DESI2: variants seen among roughly 807,000 people sequenced by gnomAD.
The protein encoded by DESI2 is deubiquitinase DESI2.
DESI2 carries 10 observed loss-of-function variants against 24.1 expected under a neutral mutation model. That is an observed-to-expected ratio of 0.41 (90% confidence interval 0.26 to 0.70). DESI2 has a LOEUF of 0.70. Among genes scored for constraint, DESI2 ranks in the 30% least tolerant of loss-of-function variants. The probability of loss-of-function intolerance (pLI) is 0.29; values close to 1 mark genes in which losing one functional copy is unlikely to be tolerated. For missense variants in DESI2, 122 were observed against 234.9 expected (o/e 0.52, Z 3.14); for synonymous variants, 71 against 87.7 (o/e 0.81, Z 1.06).
chr1:244,659,782 C>T (rs1402259401), intron 1 of DESI2, among the ~76,000 whole-genome samples: 1 of 152,182 alleles, frequency 6.6e-6, no homozygotes, highest in Admixed American at 6.5e-5. Context: ...GTTCTGGGAA[C>T]ATTCTGGGGA....
In DESI2 at chr1:244,653,162, C is replaced by A; in HGVS notation, c.-152C>A. ...TCGGCGGCGCCCGGGAGCGGCTCGGCTGCCCGATGCTTCCGCCCCGGCTGC... is the reference window on the plus strand; with the variant it reads ...TCGGCGGCGCCCGGGAGCGGCTCGGATGCCCGATGCTTCCGCCCCGGCTGC... On this transcript the variant is annotated 5_prime_UTR_variant, in exon 1 of 5. In the 5' UTR this introduces an upstream ATG that the reference lacks. Transcript: ENST00000302550. 1.4e-6 allele frequency: 1 copy of A among 726,012 alleles called. No homozygotes were observed. 45.0% of individuals were successfully genotyped at this position (726,012 alleles called of 1,614,324 possible). A position where few individuals can be genotyped will look rare whatever the true frequency, so the allele number is the denominator to read the frequency against.
At chr1:244,665,166 ATT>A (rs754865183) in intron 1 of DESI2, among the ~76,000 whole-genome samples, 3 of 147,076 alleles carry the variant, frequency 2.0e-5, no homozygotes, top group East Asian at 4.0e-4. Context: ...TTAATACCTG[ATT>A]TTTTTTTTTT....
chr1:244,664,597 C>T (rs61842420), intron 1 of DESI2, among the ~76,000 whole-genome samples: 5,668 of 152,328 alleles, frequency 0.037, 160 homozygotes, highest in Middle Eastern at 0.082. Flanking sequence ...ACTTAAGGGA[C>T]TGAGATGGGA....
At chr1:244,657,565 A>G (rs1398304173) in intron 1 of DESI2, among the ~76,000 whole-genome samples, 1 of 152,230 alleles carries the variant, frequency 6.6e-6, no homozygotes, top group Non-Finnish European at 1.5e-5. Context: ...TGAAAGCAAC[A>G]GAGAGCTTGA....
chr1:244,663,317 C>T (rs1421966490), intron 1 of DESI2, among the ~76,000 whole-genome samples: 3 of 151,972 alleles, frequency 2.0e-5, no homozygotes, highest in Non-Finnish European at 2.9e-5. Context: ...GCTGGGACTA[C>T]AGGCGCCTGC....
chr1:244,673,825 G>A (rs569062379), intron 1 of DESI2, among the ~76,000 whole-genome samples: 56 of 152,142 alleles, frequency 3.7e-4, no homozygotes, highest in African/African-American at 1.2e-3. Flanking sequence ...TTATAATGCC[G>A]AATTATTCTT....
intron 1 of DESI2, among the ~76,000 whole-genome samples, chr1:244,657,500 C>T (rs1675690391): frequency 6.6e-6 from 1 of 152,222 alleles, no homozygotes; most frequent in African/African-American, 2.4e-5. Flanking sequence ...ATTATAAACC[C>T]TTCACAGTCA....
intron 4 of DESI2, among the ~76,000 whole-genome samples, chr1:244,693,890 A>G (rs2148811876): frequency 6.6e-6 from 1 of 152,370 alleles, no homozygotes; most frequent in Non-Finnish European, 1.5e-5. Context: ...TGGAAATACC[A>G]GCTCTTGCCG....
At chr1:244,658,580 G>T (rs936668771) in intron 1 of DESI2, among the ~76,000 whole-genome samples, 2 of 152,202 alleles carry the variant, frequency 1.3e-5, no homozygotes, top group Non-Finnish European at 2.9e-5. Context: ...CCAGTGTCTA[G>T]AACAGGGCCT....
chr1:244,654,642 A>G (rs1301618064), intron 1 of DESI2, among the ~76,000 whole-genome samples: 5 of 152,234 alleles, frequency 3.3e-5, no homozygotes, highest in Non-Finnish European at 5.9e-5. Flanking sequence ...AGAATAAGCC[A>G]AACAAAAGAT....
At chr1:244,696,890 G>A (rs190597754) in intron 4 of DESI2, among the ~76,000 whole-genome samples, 30 of 152,170 alleles carry the variant, frequency 2.0e-4, no homozygotes, top group Admixed American at 1.2e-3. Context: ...GGCAGAGGAC[G>A]CCTGCATGAC....
chr1:244,702,596 T>C (rs1006870127), intron 4 of DESI2, among the ~76,000 whole-genome samples: 1 of 152,244 alleles, frequency 6.6e-6, no homozygotes, highest in African/African-American at 2.4e-5. Context: ...ATAAATATTT[T>C]AGGCTTGTGG....
chr1:244,661,635 C>A (rs2148782728), intron 1 of DESI2, among the ~76,000 whole-genome samples: 1 of 152,008 alleles, frequency 6.6e-6, no homozygotes, highest in East Asian at 1.9e-4. Context: ...GTTCAATTCC[C>A]ACCTATGAGT....
chr1:244,680,430 A>G (rs1214519033), intron 1 of DESI2, among the ~76,000 whole-genome samples: 1 of 142,134 alleles, frequency 7.0e-6, no homozygotes, highest in East Asian at 2.0e-4. Context: ...ACCCTGTCTC[A>G]AAAAAAAAAA....
At chr1:244,682,158 G>A (rs555236740) in intron 1 of DESI2, among the ~76,000 whole-genome samples, 11 of 152,336 alleles carry the variant, frequency 7.2e-5, no homozygotes, top group East Asian at 3.9e-4. Context: ...CTTCCACAGC[G>A]TGGAAGGGGA....
intron 2 of DESI2, among the ~76,000 whole-genome samples, chr1:244,687,941 A>G (rs971840788): frequency 7.2e-5 from 11 of 152,198 alleles, no homozygotes; most frequent in African/African-American, 2.7e-4. Flanking sequence ...TGGGTTAGGT[A>G]AGGGCAGGTG....
chr1:244,683,871 AT>A lies in DESI2; in HGVS notation c.43-2711del, dbSNP rs35465768. Reference sequence around the variant, plus strand: ...AGCTAGGACCACGGGTACCTGGCTAATTTTTTTTTTTTTTTAAGAGATTGGG... The same window carrying A: ...AGCTAGGACCACGGGTACCTGGCTAATTTTTTTTTTTTTTAAGAGATTGGG... On this transcript the variant is annotated intron_variant, in intron 1 of 4. Coordinates refer to ENST00000302550, the MANE Select transcript of DESI2 (RefSeq NM_016076.5). Among the ~76,000 whole-genome samples, 964 of 141,540 alleles carry A rather than the reference AT, an allele frequency of 6.8e-3. 7 individuals are homozygous for A. The highest frequency in any genetic ancestry group is 0.016 in the African/African-American group (623 of 38,486). The allele number at this position is 141,540 out of a possible 152,430, so 92.9% of individuals were successfully genotyped here.
At chr1:244,701,154 C>A (rs970424243) in intron 4 of DESI2, among the ~76,000 whole-genome samples, 2 of 136,308 alleles carry the variant, frequency 1.5e-5, no homozygotes, top group East Asian at 2.4e-4. Flanking sequence ...TTAGGAGCTT[C>A]ACTATTAGGA....
At chr1:244,686,532 C>A in intron 1 of DESI2, 65 bp from the exon 2 acceptor site, 1 of 1,007,924 alleles carries the variant, frequency 9.9e-7, no homozygotes, top group South Asian at 1.3e-5. Flanking sequence ...GCAGTCACTT[C>A]TGTAGCGCGG....
Sources: gnomAD v4.1 joint callset for allele counts (sites outside exome capture counted in the v4.1 genomes callset) on GRCh38, gnomAD v4.1.1 for gene constraint, MANE v1.5 for transcripts, NCBI Gene and HGNC (gene_info 2026-07-23, HGNC 2026-07-21) for gene names.